Variants in RAB6A observed in about 807,000 individuals in gnomAD.
The protein encoded by RAB6A is ras-related protein Rab-6A.
Under a neutral mutation model 32.3 loss-of-function variants are expected in RAB6A, and 8 were observed. The ratio of observed to expected loss-of-function variants is 0.25; its 90% CI spans 0.15 to 0.45. The LOEUF is 0.45. Ranked by LOEUF, RAB6A falls within the 20% of genes least tolerant of loss-of-function variation. The pLI is 1.00. For missense variants in RAB6A, 104 were observed against 249.4 expected (o/e 0.42, Z 3.93); for synonymous variants, 73 against 82.1 (o/e 0.89, Z 0.60).
chr11:73,722,326 TATATATA>T lies in RAB6A; in HGVS notation c.130-1434_130-1428del, dbSNP rs1565364874. On this transcript the variant is annotated intron_variant, in intron 2 of 7. Transcript: ENST00000336083. The stretch of plus-strand genomic sequence containing the variant: ...GTGTGTATATATATATATATATATA[TATATATA>T]TATATATATATTTTTTTTTTTTTTT... 14 of 10,466 alleles carry T rather than the reference TATATATA, an allele frequency of 1.3e-3. 1 individual carries two copies. The highest frequency in any genetic ancestry group is 3.8e-3 in the African/African-American group (13 of 3,408). 0.6% of individuals were successfully genotyped at this position (10,466 alleles called of 1,614,324 possible). A position where few individuals can be genotyped will look rare whatever the true frequency, so the allele number is the denominator to read the frequency against.
rs979002277 is a variant in RAB6A, at chr11:73,687,952, C to T, written c.496-8232G>A. On this transcript the variant is annotated intron_variant, in intron 6 of 7. Transcript: ENST00000336083. ...CTAATGTTTAGTTTTACCTTACTCA[C>T]TTTTTGTCAGTAATACTACAGAAGA... Among the ~76,000 whole-genome samples the T allele has an allele frequency of 3.9e-5, 6 of 152,188 alleles. No homozygotes were observed. The East Asian group carries it at 9.6e-4, about 24-fold the overall frequency.
chr11:73,704,238 C>G, intron 6 of RAB6A: 1 of 424,968 alleles, frequency 2.4e-6, no homozygotes, highest in Non-Finnish European at 4.7e-6. Flanking sequence ...TAAAAATTAG[C>G]TGGGCATGGT....
At chr11:73,696,182 T>C (rs1037885633) in intron 6 of RAB6A, among the ~76,000 whole-genome samples, 1 of 152,138 alleles carries the variant, frequency 6.6e-6, no homozygotes, top group Non-Finnish European at 1.5e-5. Context: ...TGTTCATTAT[T>C]TGTGGACTTT....
At chr11:73,710,509 G>A (rs536367161) in intron 5 of RAB6A, among the ~76,000 whole-genome samples, 161 of 151,758 alleles carry the variant, frequency 1.1e-3, no homozygotes, top group South Asian at 2.1e-4. Context: ...AGGCCAAGGC[G>A]GGTGGATCAT....
intron 6 of RAB6A, among the ~76,000 whole-genome samples, chr11:73,694,215 G>T (rs1312451953): frequency 6.6e-6 from 1 of 152,164 alleles, no homozygotes; most frequent in East Asian, 1.9e-4. Context: ...ATTTTTAAGG[G>T]TGTGAAACAA....
At chr11:73,707,212 C>T (rs1945861131) in intron 6 of RAB6A, among the ~76,000 whole-genome samples, 2 of 151,774 alleles carry the variant, frequency 1.3e-5, no homozygotes, top group Non-Finnish European at 2.9e-5. Context: ...TACCACTTTG[C>T]AGTAGTTCTA....
intron 2 of RAB6A, chr11:73,729,345 C>T (rs1946270962): frequency 6.6e-6 from 1 of 152,268 alleles, no homozygotes; most frequent in Admixed American, 6.6e-5. Context: ...GTGATCCACC[C>T]ACCTCAGCCT....
In RAB6A at chr11:73,722,367, T is replaced by TTTTTTTTTTTTTG. The variant is rs1393411671; in HGVS notation, c.130-1469_130-1468insCAAAAAAAAAAAA. On this transcript the variant is annotated intron_variant, in intron 2 of 7. Coordinates refer to ENST00000336083, the MANE Select transcript of RAB6A (RefSeq NM_198896.2). ...TATTTTTTTTTTTTTTTTTTTTTTT[T>TTTTTTTTTTTTTG]GAGACAGTCTCACACTCTTGCCCAA... 3.7e-5 allele frequency: 3 copies of TTTTTTTTTTTTTG among 81,782 alleles called. 1 individual carries two copies. The highest frequency in any genetic ancestry group is 7.0e-5 in the Non-Finnish European group (3 of 42,748). 5.1% of individuals were successfully genotyped at this position (81,782 alleles called of 1,614,324 possible).
rs1427348588 is a variant in RAB6A at position 73,720,860 on chromosome 11, A to G, written c.169T>C (p.Leu57=). The change falls in exon 3 of 8, where the codon TTG becomes CTG. Residue 57 remains leucine (L), a synonymous_variant. Transcript: ENST00000336083. ...ATATTACTCACTGTTCGATCCTCCA[A>G]GTACATAGTTTTTGATAAAAAGTCA... ...GIDFLSKTMY[L]EDRTVRLQLW... 1 of 1,609,124 alleles carries G rather than the reference A, an allele frequency of 6.2e-7. No individual in the cohort carries two copies. The highest frequency in any genetic ancestry group is 1.3e-5 in the African/African-American group (1 of 74,748).
chr11:73,721,618 G>A (rs1172364071), intron 2 of RAB6A, among the ~76,000 whole-genome samples: 1 of 152,016 alleles, frequency 6.6e-6, no homozygotes, highest in Non-Finnish European at 1.5e-5. Context: ...TATTAATTAG[G>A]GGAGATAAAT....
chr11:73,735,290 T>G (rs1239649372), intron 1 of RAB6A, among the ~76,000 whole-genome samples: 1 of 152,210 alleles, frequency 6.6e-6, no homozygotes. Flanking sequence ...TAGGGCTCAA[T>G]CTTTGAAACT....
At chr11:73,689,829 G>A (rs1945517888) in intron 6 of RAB6A, among the ~76,000 whole-genome samples, 1 of 149,586 alleles carries the variant, frequency 6.7e-6, no homozygotes, top group Admixed American at 6.7e-5. Flanking sequence ...TGCCTCTGTG[G>A]AGGTTGCAGT....
At chr11:73,753,028 C>T (rs1398505653) in intron 1 of RAB6A, among the ~76,000 whole-genome samples, 2 of 152,062 alleles carry the variant, frequency 1.3e-5, no homozygotes, top group African/African-American at 2.4e-5. Context: ...AGGCGGGAAT[C>T]ACTTGAGGCC....
At chr11:73,741,867 T>G (rs1247800082) in intron 1 of RAB6A, among the ~76,000 whole-genome samples, 2 of 152,176 alleles carry the variant, frequency 1.3e-5, no homozygotes, top group Non-Finnish European at 2.9e-5. Flanking sequence ...TAGATCAGTT[T>G]TAGGTTCACA....
At chr11:73,731,684 TTATATATATATA>T (rs1157961323) in intron 1 of RAB6A, among the ~76,000 whole-genome samples, 25 of 14,516 alleles carry the variant, frequency 1.7e-3, no homozygotes, top group Middle Eastern at 0.062. Flanking sequence ...TAGATAGATA[TTATATATATATA>T]TATATATATA....
chr11:73,745,698 G>A (rs1424758203), intron 1 of RAB6A, among the ~76,000 whole-genome samples: 1 of 152,152 alleles, frequency 6.6e-6, no homozygotes, highest in Non-Finnish European at 1.5e-5. Flanking sequence ...CAGGCATGGT[G>A]GCGTGTGCCT....
chr11:73,721,913 A>G (rs926785092), intron 2 of RAB6A, among the ~76,000 whole-genome samples: 1 of 152,160 alleles, frequency 6.6e-6, no homozygotes. Flanking sequence ...TTCTGTTAGC[A>G]GAAAAATAGA....
chr11:73,686,242 A>G (rs1048766976), intron 6 of RAB6A, among the ~76,000 whole-genome samples: 2 of 152,144 alleles, frequency 1.3e-5, no homozygotes, highest in Admixed American at 1.3e-4. Flanking sequence ...CAAGATGCAT[A>G]ATCTTTTCGG....
chr11:73,740,067 G>GAA (rs58800693), intron 1 of RAB6A, among the ~76,000 whole-genome samples: 6 of 88,116 alleles, frequency 6.8e-5, no homozygotes, highest in African/African-American at 1.7e-4. Context: ...TCAAAAAAAA[G>GAA]AAAAAAAAAA....
Sources: gnomAD v4.1 joint callset for allele counts (sites outside exome capture counted in the v4.1 genomes callset) on GRCh38, gnomAD v4.1.1 for gene constraint, MANE v1.5 for transcripts, NCBI Gene and HGNC (gene_info 2026-07-23, HGNC 2026-07-21) for gene names.